The following TRPV4 variants were observed in gnomAD, a reference collection of about 807,000 sequenced individuals.
The protein encoded by TRPV4 is transient receptor potential cation channel subfamily V member 4.
A neutral mutation model predicts 84.1 loss-of-function variants in TRPV4; 58 were observed. The observed-to-expected ratio is 0.69, with a 90% CI of 0.56 to 0.86. The LOEUF (loss-of-function observed/expected upper bound fraction) is 0.86. TRPV4 is among the 40% of genes least tolerant of loss of function. TRPV4 has a pLI of 0.00. For synonymous variants in TRPV4, 489 were observed against 500.9 expected (o/e 0.98, Z 0.32); for missense variants, 879 against 1,181.1 (o/e 0.74, Z 3.75).
At chr12:109,824,295 G>A (rs1267766718) in intron 1 of TRPV4, among the ~76,000 whole-genome samples, 1 of 152,060 alleles carries the variant, frequency 6.6e-6, no homozygotes, top group Non-Finnish European at 1.5e-5. Context: ...GGTCTGGCAC[G>A]TAGTAGGAGC....
intron 3 of TRPV4, among the ~76,000 whole-genome samples, chr12:109,804,691 G>A (rs1177192849): frequency 2.6e-5 from 4 of 152,126 alleles, no homozygotes; most frequent in Non-Finnish European, 5.9e-5. Context: ...GTTCCCAGTT[G>A]CTTTCCCGCT....
At chr12:109,806,358 C>CTTT (rs60159775) in intron 3 of TRPV4, among the ~76,000 whole-genome samples, 63 of 115,554 alleles carry the variant, frequency 5.5e-4, no homozygotes, top group African/African-American at 1.5e-3. Context: ...CTAAGCCTGG[C>CTTT]TTTTTTTTTT....
chr12:109,832,958 G>A (rs1467359197), intron 1 of TRPV4, among the ~76,000 whole-genome samples: 2 of 152,058 alleles, frequency 1.3e-5, no homozygotes, highest in Non-Finnish European at 2.9e-5. Context: ...AATTCCCTCC[G>A]ACATGCTCAG....
chr12:109,803,416 T>G (rs1031633663), intron 3 of TRPV4, among the ~76,000 whole-genome samples: 1 of 152,174 alleles, frequency 6.6e-6, no homozygotes, highest in Non-Finnish European at 1.5e-5. Flanking sequence ...TTAATTAATC[T>G]TATTTGGGAA....
In TRPV4 at chr12:109,784,321, C is replaced by T; in HGVS notation, c.2453G>A (p.Arg818His). The T allele has an allele frequency of 4.3e-6, 7 of 1,614,118 alleles. No homozygotes were observed. Among genetic ancestry groups the T allele is most frequent in the Non-Finnish European group, 5.9e-6 (7 of 1,180,008 alleles). Residue 818 changes from arginine to histidine, a missense_variant, in exon 15 of 16, where the codon CGC (arginine) becomes CAC (histidine). Arg to His is a conservative substitution (Grantham distance 29). Around this residue, in one of 4 missense-constraint regions of TRPV4, gnomAD observed 242 missense variants for 355.3 expected, o/e 0.68. Transcript: ENST00000261740. ...GCACCCGCCCCTCCACTCACCCCTG[C>T]GGAGGCGGCCCACGGTATGCGAGAA... ...YGFSHTVGRL[R>H]RDRWSSVVPR...
At chr12:109,785,103 C>G (rs1173521873) in intron 14 of TRPV4, among the ~76,000 whole-genome samples, 8 of 152,062 alleles carry the variant, frequency 5.3e-5, no homozygotes, top group Admixed American at 5.2e-4. Context: ...CTCACTGCAA[C>G]CTTGACCTCC....
At chr12:109,832,403 A>G (rs1799392606) in intron 1 of TRPV4, 1 of 152,286 alleles carries the variant, frequency 6.6e-6, no homozygotes, top group South Asian at 2.1e-4. Flanking sequence ...CCCACAGGGT[A>G]TCTGCCTAAC....
At chr12:109,821,644 C>T (rs1347790204) in intron 1 of TRPV4, among the ~76,000 whole-genome samples, 1 of 152,164 alleles carries the variant, frequency 6.6e-6, no homozygotes, top group Admixed American at 6.5e-5. Flanking sequence ...ATTCTCGTGC[C>T]TCAGCCTCCT....
chr12:109,792,549 G>A (rs927778804), intron 11 of TRPV4, 103 bp downstream of exon 11: 7 of 1,579,118 alleles, frequency 4.4e-6, no homozygotes, highest in Admixed American at 3.3e-5. Flanking sequence ...CTGCCCCCAC[G>A]GTACCCAGCA....
rs751808700 is a variant in TRPV4 at position 109,798,611 on chromosome 12, C to T, written c.1152+3G>A. 1 of 1,610,980 alleles carries T rather than the reference C, an allele frequency of 6.2e-7. No individual in the cohort carries two copies. Among genetic ancestry groups the T allele is most frequent in the Non-Finnish European group, 8.5e-7 (1 of 1,180,008 alleles). ...TCAGCTGTGCCCCCAGCCGCACACT[C>T]ACCCCAATCTTGCCCGTCTTGGCAG... is the stretch of plus-strand genomic sequence containing the variant. On this transcript the variant is annotated splice_donor_region_variant and intron_variant, in intron 6 of 15. Coordinates refer to ENST00000261740, the MANE Select transcript of TRPV4 (RefSeq NM_021625.5). This position sits in a 1 kb window ranked among gnomAD's most constrained non-coding sequence, Gnocchi z 5.0.
intron 13 of TRPV4, among the ~76,000 whole-genome samples, 187 bp downstream of exon 13, chr12:109,788,213 A>G (rs1469073938): frequency 6.6e-6 from 1 of 152,258 alleles, no homozygotes; most frequent in Non-Finnish European, 1.5e-5. Flanking sequence ...AGCCACCTCA[A>G]AATTCACTAG....
rs1395454255 is a variant in TRPV4, at chr12:109,815,215, T to C, written c.-31-388A>G. On this transcript the variant is annotated intron_variant, in intron 1 of 15. Coordinates refer to ENST00000261740, the MANE Select transcript of TRPV4 (RefSeq NM_021625.5). The surrounding 1 kb of genome is among the most constrained non-coding windows in gnomAD (Gnocchi z 4.1). ...CTCCACACTTAGTCATTCCATGACATTGAGCAAGTCGACATTTCATAGCCT... is the reference window on the plus strand; with the variant it reads ...CTCCACACTTAGTCATTCCATGACACTGAGCAAGTCGACATTTCATAGCCT... Among the ~76,000 whole-genome samples the C allele has an allele frequency of 3.3e-5, 5 of 152,224 alleles. No individual in the cohort carries two copies. The highest frequency in any genetic ancestry group is 9.6e-5 in the African/African-American group (4 of 41,464).
At chr12:109,792,085 A>C (rs1890076689) in intron 12 of TRPV4, among the ~76,000 whole-genome samples, 1 of 151,334 alleles carries the variant, frequency 6.6e-6, no homozygotes, top group South Asian at 2.1e-4. Context: ...ACAAAAAAAA[A>C]AAAATTAAAA....
chr12:109,820,934 G>C (rs957878114), intron 1 of TRPV4, among the ~76,000 whole-genome samples: 1 of 152,168 alleles, frequency 6.6e-6, no homozygotes, highest in Non-Finnish European at 1.5e-5. Flanking sequence ...CACAACAGAT[G>C]GCTTCTCTCT....
chr12:109,828,051 G>A (rs1182090551), intron 1 of TRPV4, among the ~76,000 whole-genome samples: 1 of 152,216 alleles, frequency 6.6e-6, no homozygotes, highest in Non-Finnish European at 1.5e-5. Flanking sequence ...TGGTGAGACT[G>A]AGGAGCTCTT....
intron 12 of TRPV4, among the ~76,000 whole-genome samples, chr12:109,791,602 C>T (rs557181941): frequency 2.4e-4 from 36 of 150,560 alleles, no homozygotes; most frequent in African/African-American, 6.6e-4. Flanking sequence ...TGTGCCTCAG[C>T]CTCCCGAGTA....
Position 109,793,495 on chromosome 12 carries a change from C to T in TRPV4, c.1658+32G>A, listed in dbSNP as rs988209996. 1 of 1,598,662 alleles carries T rather than the reference C, an allele frequency of 6.3e-7. No homozygotes were observed. ...GCAGCCCAAACCCACCTTCCTCACC[C>T]AGAAGCTGCCGGCCCAGGGACCTCT... On this transcript the variant is annotated intron_variant, in intron 10 of 15. Transcript: ENST00000261740. This position sits in a 1 kb window ranked among gnomAD's most constrained non-coding sequence, Gnocchi z 4.0.
intron 1 of TRPV4, among the ~76,000 whole-genome samples, chr12:109,826,655 T>A (rs1892259402): frequency 1.3e-5 from 2 of 152,198 alleles, no homozygotes; most frequent in African/African-American, 4.8e-5. Flanking sequence ...GCCCTCTCCC[T>A]AGGACCCCCC....
In TRPV4 at chr12:109,814,922, G is replaced by C; in HGVS notation, c.-31-95C>G. The C allele has an allele frequency of 8.0e-7, 1 of 1,246,916 alleles. No homozygotes were observed. The highest frequency in any genetic ancestry group is 1.1e-6 in the Non-Finnish European group (1 of 903,824). 77.2% of individuals were successfully genotyped at this position (1,246,916 alleles called of 1,614,324 possible). ...ACGTGGACAAGCAGCAGTGCTGCCAGCTGCTTCAAAGCCACCGTTGTAATG... is the reference window on the plus strand; with the variant it reads ...ACGTGGACAAGCAGCAGTGCTGCCACCTGCTTCAAAGCCACCGTTGTAATG... On this transcript the variant is annotated intron_variant, in intron 1 of 15. Transcript: ENST00000261740. The surrounding 1 kb of genome is among the most constrained non-coding windows in gnomAD (Gnocchi z 5.4).
Sources: gnomAD v4.1 joint callset for allele counts (sites outside exome capture counted in the v4.1 genomes callset) on GRCh38, gnomAD v4.1.1 for gene constraint, gnomAD v4.1.1 regional missense constraint, Gnocchi (gnomAD v3.1) non-coding constraint, MANE v1.5 for transcripts, NCBI Gene and HGNC (gene_info 2026-07-23, HGNC 2026-07-21) for gene names.